The following MACROD2 variants were observed in gnomAD, a reference collection of about 807,000 sequenced individuals.
MACROD2 encodes the protein mono-ADP ribosylhydrolase 2.
MACROD2 carries 36 observed loss-of-function variants against 70.4 expected under a neutral mutation model. The ratio of observed to expected loss-of-function variants is 0.51; its 90% CI spans 0.39 to 0.68. The LOEUF is 0.68. MACROD2 is among the 30% of genes least tolerant of loss of function. The pLI is 0.00. For missense variants in MACROD2, 496 were observed against 538.4 expected (o/e 0.92, Z 0.78); for synonymous variants, 172 against 178.8 (o/e 0.96, Z 0.30).
chr20:14,877,253 G>A (rs572564048), intron 5 of MACROD2, among the ~76,000 whole-genome samples: 3 of 151,904 alleles, frequency 2.0e-5, no homozygotes, highest in Non-Finnish European at 2.9e-5. Context: ...TGGCTCTCAG[G>A]TTGAATATTA....
chr20:15,709,759 G>A (rs1017975327), intron 8 of MACROD2, among the ~76,000 whole-genome samples: 6 of 152,210 alleles, frequency 3.9e-5, no homozygotes, highest in Admixed American at 2.6e-4. Flanking sequence ...TGGATAATTA[G>A]CATATTTATC....
intron 6 of MACROD2, among the ~76,000 whole-genome samples, chr20:15,375,175 G>A (rs2045545793): frequency 6.6e-6 from 1 of 152,102 alleles, no homozygotes; most frequent in South Asian, 2.1e-4. Flanking sequence ...CATCCATCAG[G>A]TGCTTCACAA....
intron 8 of MACROD2, among the ~76,000 whole-genome samples, chr20:15,848,603 A>G (rs919273899): frequency 9.9e-5 from 15 of 152,220 alleles, no homozygotes; most frequent in African/African-American, 3.6e-4. Flanking sequence ...TAATTAATTG[A>G]TAAGACCACT....
chr20:14,632,146 T>C (rs1263136444), intron 4 of MACROD2, among the ~76,000 whole-genome samples: 3 of 152,142 alleles, frequency 2.0e-5, no homozygotes, highest in African/African-American at 7.2e-5. Context: ...ACAGAGAAAG[T>C]AAGCTTACTG....
intron 5 of MACROD2, among the ~76,000 whole-genome samples, chr20:15,056,670 T>A (rs1346440641): frequency 6.6e-6 from 1 of 152,154 alleles, no homozygotes; most frequent in East Asian, 1.9e-4. Context: ...AGGGATAATG[T>A]AAGGAAGACT....
At chr20:15,721,700 C>A (rs549904559) in intron 8 of MACROD2, among the ~76,000 whole-genome samples, 4 of 152,054 alleles carry the variant, frequency 2.6e-5, no homozygotes, top group East Asian at 1.9e-4. Flanking sequence ...CTGATTTATA[C>A]CCTCACAGTG....
At chr20:15,733,220 A>G (rs929068376) in intron 8 of MACROD2, among the ~76,000 whole-genome samples, 1 of 152,116 alleles carries the variant, frequency 6.6e-6, no homozygotes, top group Non-Finnish European at 1.5e-5. Flanking sequence ...CATGTATGAT[A>G]TTAGTAATTT....
At chr20:14,034,400 TAC>T (rs2053283480) in intron 2 of MACROD2, among the ~76,000 whole-genome samples, 1 of 152,250 alleles carries the variant, frequency 6.6e-6, no homozygotes, top group Non-Finnish European at 1.5e-5. Flanking sequence ...GTGTAACTAA[TAC>T]AGTATGTTCT....
intron 5 of MACROD2, among the ~76,000 whole-genome samples, chr20:15,109,296 T>C (rs1256649895): frequency 6.6e-6 from 1 of 152,152 alleles, no homozygotes; most frequent in African/African-American, 2.4e-5. Context: ...TCTGAAACTT[T>C]AATGAGGTGG....
intron 13 of MACROD2, among the ~76,000 whole-genome samples, chr20:15,978,897 G>A (rs1041055427): frequency 1.3e-5 from 2 of 152,062 alleles, no homozygotes; most frequent in Admixed American, 1.3e-4. Flanking sequence ...CAGGAGTGAT[G>A]GAAGAAAATA....
intron 5 of MACROD2, among the ~76,000 whole-genome samples, chr20:14,991,996 A>T (rs1301512658): frequency 1.3e-5 from 2 of 152,040 alleles, no homozygotes; most frequent in Non-Finnish European, 2.9e-5. Context: ...AGCACTTGTC[A>T]TATTGAGTGG....
chr20:15,086,382 C>T (rs180761224), intron 5 of MACROD2, among the ~76,000 whole-genome samples: 48 of 152,168 alleles, frequency 3.2e-4, no homozygotes, highest in Admixed American at 1.0e-3. Context: ...AGAATAGAGC[C>T]GTGATTATGA....
chr20:15,607,927 C>G (rs1040749788), intron 8 of MACROD2, among the ~76,000 whole-genome samples: 1 of 152,302 alleles, frequency 6.6e-6, no homozygotes, highest in South Asian at 2.1e-4. Flanking sequence ...AAATCAATAT[C>G]CAGAGATGGA....
rs962564278 is a variant in MACROD2, at chr20:15,700,719, T to C, written c.646-162026T>C. On this transcript the variant is annotated intron_variant, in intron 8 of 17. Coordinates refer to ENST00000684519, the MANE Select transcript of MACROD2 (RefSeq NM_001351661.2). ...TTAGTGGTTTTCAAAGTCCGTTAGA[T>C]GGTAAAGTGCCTGCAAGCCATGGCC... Among the ~76,000 whole-genome samples, 133 of 152,314 alleles carry C rather than the reference T, an allele frequency of 8.7e-4. 1 individual carries two copies. The highest frequency in any genetic ancestry group is 3.1e-3 in the African/African-American group (129 of 41,572).
intron 8 of MACROD2, among the ~76,000 whole-genome samples, chr20:15,569,939 C>T (rs1190999940): frequency 6.6e-6 from 1 of 152,076 alleles, no homozygotes; most frequent in Admixed American, 6.6e-5. Flanking sequence ...AATGATACTG[C>T]AATAAATAGG....
intron 5 of MACROD2, among the ~76,000 whole-genome samples, chr20:15,147,428 CATTT>C (rs2076238208): frequency 4.0e-5 from 2 of 50,280 alleles, no homozygotes; most frequent in South Asian, 1.5e-3. Context: ...ACGGAGTTAG[CATTT>C]TTTTTTTTTT....
chr20:14,537,084 G>A (rs2085375623), intron 4 of MACROD2, among the ~76,000 whole-genome samples: 1 of 152,092 alleles, frequency 6.6e-6, no homozygotes, highest in Non-Finnish European at 1.5e-5. Context: ...TCTGTTTTCT[G>A]TTCACTCTCA....
chr20:14,989,807 T>C lies in MACROD2; in HGVS notation c.419-240133T>C, dbSNP rs145935430. Reference sequence around the variant, plus strand: ...GGTCATAGCTTGGTCCACACCCAGATTTTTTCAGGATCTTATCTACCCCTA... The same window carrying C: ...GGTCATAGCTTGGTCCACACCCAGACTTTTTCAGGATCTTATCTACCCCTA... On this transcript the variant is annotated intron_variant, in intron 5 of 17. Transcript: ENST00000684519. Among the ~76,000 whole-genome samples, 1,188 of 152,258 alleles carry C rather than the reference T, an allele frequency of 7.8e-3. 9 individuals are homozygous for C. The highest frequency in any genetic ancestry group is 0.013 in the Non-Finnish European group (852 of 68,014).
intron 5 of MACROD2, among the ~76,000 whole-genome samples, chr20:14,762,442 A>G (rs971952287): frequency 6.6e-6 from 1 of 152,094 alleles, no homozygotes; most frequent in Non-Finnish European, 1.5e-5. Flanking sequence ...AGTAAATAAA[A>G]CCATGCCAAA....
Sources: allele counts gnomAD v4.1 joint callset (sites outside exome capture counted in the v4.1 genomes callset), GRCh38; gene constraint gnomAD v4.1.1; transcripts MANE v1.5; gene names NCBI Gene and HGNC (gene_info 2026-07-23, HGNC 2026-07-21).